COG5: variants seen among roughly 807,000 people sequenced by gnomAD.
COG5 encodes the protein component of oligomeric golgi complex 5.
COG5 carries 86 observed loss-of-function variants against 110.4 expected under a neutral mutation model. The observed-to-expected ratio is 0.78, with a 90% CI of 0.65 to 0.93. The LOEUF (loss-of-function observed/expected upper bound fraction) is 0.93. Ranked by LOEUF, COG5 falls within the 40% of genes least tolerant of loss-of-function variation. The pLI is 0.00. For synonymous variants in COG5, 360 were observed against 334.6 expected (o/e 1.08, Z -0.83); for missense variants, 1,077 against 987.0 (o/e 1.09, Z -1.22).
chr7:107,525,259 GACCATTTGTATT>G (rs1800648975), intron 6 of COG5, among the ~76,000 whole-genome samples: 2 of 150,942 alleles, frequency 1.3e-5, no homozygotes, highest in Admixed American at 1.3e-4. Flanking sequence ...TCGAAGACAT[GACCATTTGTATT>G]ACAGAATCTG....
intron 19 of COG5, among the ~76,000 whole-genome samples, chr7:107,214,168 A>G (rs1336607070): frequency 6.6e-6 from 1 of 152,180 alleles, no homozygotes; most frequent in Non-Finnish European, 1.5e-5. Context: ...ACTTGTACTA[A>G]AAATTCAACC....
chr7:107,208,765 C>A, intron 21 of COG5: 1 of 985,454 alleles, frequency 1.0e-6, no homozygotes, highest in Non-Finnish European at 1.2e-6. Flanking sequence ...CACATACGCC[C>A]AGAGGGCCAG....
At chr7:107,298,654 C>G (rs1806974404) in intron 11 of COG5, among the ~76,000 whole-genome samples, 1 of 152,120 alleles carries the variant, frequency 6.6e-6, no homozygotes, top group African/African-American at 2.4e-5. Flanking sequence ...AAAATCGGGA[C>G]AGAAAACTGG....
At chr7:107,386,831 T>C (rs1790243035) in intron 7 of COG5, among the ~76,000 whole-genome samples, 1 of 152,154 alleles carries the variant, frequency 6.6e-6, no homozygotes, top group Non-Finnish European at 1.5e-5. Flanking sequence ...TCTTTAATGC[T>C]GTGGGCTTTA....
intron 11 of COG5, among the ~76,000 whole-genome samples, chr7:107,308,711 C>G (rs1380417322): frequency 6.6e-6 from 1 of 150,712 alleles, no homozygotes; most frequent in Non-Finnish European, 1.5e-5. Context: ...TTTCAAAGTT[C>G]CATACCATCA....
intron 7 of COG5, among the ~76,000 whole-genome samples, chr7:107,389,756 T>C (rs1790479248): frequency 6.6e-6 from 1 of 152,140 alleles, no homozygotes; most frequent in Admixed American, 6.5e-5. Flanking sequence ...TTTGGGCCGA[T>C]GGGGGGATGG....
intron 14 of COG5, among the ~76,000 whole-genome samples, chr7:107,278,766 C>A (rs1165745428): frequency 6.6e-6 from 1 of 152,098 alleles, no homozygotes; most frequent in Non-Finnish European, 1.5e-5. Flanking sequence ...CCCTTCCTTA[C>A]CCCTTATACA....
chr7:107,442,885 T>C (rs1344653519), intron 6 of COG5, among the ~76,000 whole-genome samples: 1 of 152,204 alleles, frequency 6.6e-6, no homozygotes, highest in Non-Finnish European at 1.5e-5. Context: ...GACCTAGCAG[T>C]ATAACTCTCC....
At chr7:107,541,193 G>A (rs990832928) in intron 5 of COG5, among the ~76,000 whole-genome samples, 9 of 149,396 alleles carry the variant, frequency 6.0e-5, no homozygotes, top group Non-Finnish European at 1.3e-4. Flanking sequence ...TGTTCAAGAA[G>A]GTAAATGAAA....
intron 7 of COG5, among the ~76,000 whole-genome samples, chr7:107,378,707 A>G (rs148820438): frequency 6.6e-6 from 1 of 152,242 alleles, no homozygotes; most frequent in Non-Finnish European, 1.5e-5. Context: ...AAATAAAGCA[A>G]GAAGACAAGA....
chr7:107,303,433 T>C (rs1465702191), intron 11 of COG5, among the ~76,000 whole-genome samples: 2 of 152,068 alleles, frequency 1.3e-5, no homozygotes, highest in African/African-American at 4.8e-5. Context: ...TGTTTGTTTG[T>C]TTTTTGTTTT....
intron 11 of COG5, among the ~76,000 whole-genome samples, chr7:107,311,327 G>C (rs563449931): frequency 1.4e-5 from 2 of 143,544 alleles, no homozygotes; most frequent in African/African-American, 5.1e-5. Context: ...CTCTCTGTAC[G>C]TTCTGCATTT....
intron 14 of COG5, among the ~76,000 whole-genome samples, chr7:107,280,521 A>G (rs1805080962): frequency 6.6e-6 from 1 of 152,024 alleles, no homozygotes; most frequent in Admixed American, 6.5e-5. Context: ...TAGAGAGGAT[A>G]AACTGAAAAC....
At chr7:107,500,139 T>C (rs1798546900) in intron 6 of COG5, among the ~76,000 whole-genome samples, 1 of 152,172 alleles carries the variant, frequency 6.6e-6, no homozygotes, top group Non-Finnish European at 1.5e-5. Context: ...CTACACTGAA[T>C]ATAGATCCAC....
intron 6 of COG5, among the ~76,000 whole-genome samples, chr7:107,518,047 A>G (rs1800063168): frequency 6.6e-6 from 1 of 152,114 alleles, no homozygotes; most frequent in Admixed American, 6.6e-5. Context: ...TATCCAGCCA[A>G]ACTAAGCTTC....
At chr7:107,383,804 T>C in intron 7 of COG5, among the ~76,000 whole-genome samples, 1 of 152,166 alleles carries the variant, frequency 6.6e-6, no homozygotes, top group East Asian at 1.9e-4. Flanking sequence ...TTTTCTTTCT[T>C]CTCATCTGTC....
chr7:107,348,552 T>C (rs1206971082), intron 10 of COG5, among the ~76,000 whole-genome samples: 1 of 152,234 alleles, frequency 6.6e-6, no homozygotes, highest in Non-Finnish European at 1.5e-5. Flanking sequence ...TGTCCATTTC[T>C]ACTTGTATTT....
chr7:107,487,089 T>G (rs1474844865), intron 6 of COG5, among the ~76,000 whole-genome samples: 1 of 152,180 alleles, frequency 6.6e-6, no homozygotes, highest in Non-Finnish European at 1.5e-5. Flanking sequence ...TTAACAAGTA[T>G]AATTATAAAA....
At chr7:107,248,348 A>G (rs750362804) in intron 17 of COG5, 48 bp downstream of exon 17, 8 of 1,190,466 alleles carry the variant, frequency 6.7e-6, no homozygotes, top group Non-Finnish European at 1.0e-5. Flanking sequence ...GTGGGAATAC[A>G]AAATAAAGGC....
Sources: gnomAD v4.1 joint callset for allele counts (sites outside exome capture counted in the v4.1 genomes callset) on GRCh38, gnomAD v4.1.1 for gene constraint, MANE v1.5 for transcripts, NCBI Gene and HGNC (gene_info 2026-07-23, HGNC 2026-07-21) for gene names.